NUDCD3: variants seen among roughly 807,000 people sequenced by gnomAD.
NUDCD3 encodes the protein nudC domain-containing protein 3.
Under a neutral mutation model 39.7 loss-of-function variants are expected in NUDCD3, and 13 were observed. That is an observed-to-expected ratio of 0.33 (90% CI 0.21 to 0.52). The LOEUF (loss-of-function observed/expected upper bound fraction) is 0.52, where lower values mean the gene tolerates loss of function less well. Among genes scored for constraint, NUDCD3 ranks in the 20% least tolerant of loss-of-function variants. NUDCD3 has a pLI of 0.96. For missense variants in NUDCD3, 453 were observed against 458.1 expected (o/e 0.99, Z 0.10); for synonymous variants, 175 against 172.4 (o/e 1.02, Z -0.12).
intron 3 of NUDCD3, among the ~76,000 whole-genome samples, chr7:44,415,839 T>A (rs935153557): frequency 5.9e-5 from 9 of 152,154 alleles, no homozygotes; most frequent in Non-Finnish European, 1.2e-4. Flanking sequence ...GGGGTTACCA[T>A]CGTGACAATG....
chr7:44,474,776 A>T (rs1800328794), intron 2 of NUDCD3, among the ~76,000 whole-genome samples: 1 of 152,252 alleles, frequency 6.6e-6, no homozygotes, highest in Admixed American at 6.5e-5. Flanking sequence ...TAACAACTTA[A>T]ATCAGGTTTT....
intron 2 of NUDCD3, among the ~76,000 whole-genome samples, chr7:44,479,489 A>C (rs938143227): frequency 1.3e-5 from 2 of 152,212 alleles, no homozygotes; most frequent in African/African-American, 2.4e-5. Context: ...AAAATTCAAA[A>C]TACATATATA....
rs1188724544 is a variant in NUDCD3, at chr7:44,426,027, A to G, written c.642+1544T>C. 9.9e-6 allele frequency: 6 copies of G among 606,904 alleles called. No homozygotes were observed. In the East Asian group the frequency reaches 5.6e-4, roughly 57 times the overall value. The allele number at this position is 606,904 out of a possible 1,614,324, so 37.6% of individuals were successfully genotyped here. ...GGTTAGCATGCGGTACTTATAGGAC[A>G]TGGCTCCCTGCTCCATGGAAGAGCC... is the stretch of plus-strand genomic sequence containing the variant. On this transcript the variant is annotated intron_variant, in intron 3 of 5. Transcript: ENST00000355451.
intron 5 of NUDCD3, among the ~76,000 whole-genome samples, chr7:44,389,767 A>G (rs1798474185): frequency 6.6e-6 from 1 of 151,984 alleles, no homozygotes; most frequent in Non-Finnish European, 1.5e-5. Context: ...AACATAAAGG[A>G]TGGGGGAAAG....
chr7:44,392,175 G>A, intron 5 of NUDCD3, 122 bp downstream of exon 5: 4 of 892,610 alleles, frequency 4.5e-6, no homozygotes, highest in Non-Finnish European at 5.2e-6. Context: ...CTAGGACATG[G>A]CAGGAAGCTG....
At chr7:44,387,691 C>T (rs1798423753) in intron 5 of NUDCD3, among the ~76,000 whole-genome samples, 1 of 152,160 alleles carries the variant, frequency 6.6e-6, no homozygotes, top group Non-Finnish European at 1.5e-5. Flanking sequence ...TGCATGGGGG[C>T]CCGATGTAGG....
chr7:44,421,740 C>T (rs1047835923), intron 3 of NUDCD3, among the ~76,000 whole-genome samples: 1 of 152,322 alleles, frequency 6.6e-6, no homozygotes, highest in Admixed American at 6.5e-5. Flanking sequence ...TAACACCCCA[C>T]TGTCAATATT....
rs545861212 is a variant in NUDCD3, at chr7:44,457,039, A to C, written c.509+27929T>G. Among the ~76,000 whole-genome samples, 5 of 152,142 alleles carry C rather than the reference A, an allele frequency of 3.3e-5. No individual in the cohort carries two copies. In the East Asian group the frequency reaches 5.8e-4, roughly 18 times the overall value. On this transcript the variant is annotated intron_variant, in intron 2 of 5. Transcript: ENST00000355451. ...GATATAACCTGGTTAAAAAAAAAAA[A>C]ACCTAAAATTCACATGTCCCAATAA...
chr7:44,410,687 G>T (rs1798907099), intron 3 of NUDCD3, among the ~76,000 whole-genome samples: 1 of 135,898 alleles, frequency 7.4e-6, no homozygotes. Context: ...TCTAGTAACA[G>T]GCCAGGCATG....
chr7:44,445,885 G>A (rs918777761), intron 2 of NUDCD3, among the ~76,000 whole-genome samples: 2 of 152,170 alleles, frequency 1.3e-5, no homozygotes, highest in African/African-American at 2.4e-5. Flanking sequence ...AGTACTTAAG[G>A]ACACAGACTC....
chr7:44,423,754 C>T (rs1799184849), intron 3 of NUDCD3, among the ~76,000 whole-genome samples: 1 of 152,100 alleles, frequency 6.6e-6, no homozygotes, highest in African/African-American at 2.4e-5. Flanking sequence ...TTCCCACCAA[C>T]CTACCATTGA....
At chr7:44,462,987 G>A (rs1800047011) in intron 2 of NUDCD3, among the ~76,000 whole-genome samples, 2 of 117,100 alleles carry the variant, frequency 1.7e-5, no homozygotes, top group East Asian at 2.8e-4. Flanking sequence ...GTGTGTGTGT[G>A]TGTATACACA....
intron 2 of NUDCD3, among the ~76,000 whole-genome samples, chr7:44,433,197 A>G (rs1005666967): frequency 1.3e-5 from 2 of 152,096 alleles, no homozygotes. Flanking sequence ...TGAGAAGTAA[A>G]TTTCTCACAG....
chr7:44,396,010 C>A (rs201058469), intron 4 of NUDCD3, among the ~76,000 whole-genome samples: 104 of 152,248 alleles, frequency 6.8e-4, no homozygotes, highest in African/African-American at 2.5e-3. Flanking sequence ...AAAGCAGCTG[C>A]ACCACTTTAC....
At chr7:44,425,408 G>A (rs1489575007) in intron 3 of NUDCD3, among the ~76,000 whole-genome samples, 1 of 152,098 alleles carries the variant, frequency 6.6e-6, no homozygotes, top group African/African-American at 2.4e-5. Flanking sequence ...TACAGTTTCT[G>A]GCATATATCA....
chr7:44,460,131 C>A (rs77306617), intron 2 of NUDCD3, among the ~76,000 whole-genome samples: 2,546 of 152,044 alleles, frequency 0.017, 57 homozygotes, highest in African/African-American at 0.057. Context: ...TGGTAAAATC[C>A]CCACACTAAA....
intron 2 of NUDCD3, among the ~76,000 whole-genome samples, chr7:44,475,084 C>T (rs1800336461): frequency 6.6e-6 from 1 of 152,192 alleles, no homozygotes; most frequent in Non-Finnish European, 1.5e-5. Flanking sequence ...GTAGACAACA[C>T]TCAACAGTGT....
At chr7:44,418,621 T>TG (rs1799074890) in intron 3 of NUDCD3, among the ~76,000 whole-genome samples, 1 of 152,188 alleles carries the variant, frequency 6.6e-6, no homozygotes, top group Non-Finnish European at 1.5e-5. Flanking sequence ...ATGAATGATA[T>TG]GGGGGGATCT....
chr7:44,468,061 G>A, intron 2 of NUDCD3: 1 of 1,612,634 alleles, frequency 6.2e-7, no homozygotes, highest in Non-Finnish European at 8.5e-7. Context: ...AGATCTTGAT[G>A]CCCAACATTG....
Sources: gnomAD v4.1 joint callset for allele counts (sites outside exome capture counted in the v4.1 genomes callset) on GRCh38, gnomAD v4.1.1 for gene constraint, MANE v1.5 for transcripts, NCBI Gene and HGNC (gene_info 2026-07-23, HGNC 2026-07-21) for gene names.